Variants in OPHN1 observed in about 807,000 individuals in gnomAD.
OPHN1 encodes oligophrenin-1.
OPHN1 carries 11 observed loss-of-function variants against 60.7 expected under a neutral mutation model. That is an observed-to-expected ratio of 0.18 (90% CI 0.11 to 0.30). OPHN1 has a LOEUF of 0.30. Among genes scored for constraint, OPHN1 ranks in the 10% least tolerant of loss-of-function variants. The probability of loss-of-function intolerance (pLI) is 1.00; values close to 1 mark genes in which losing one functional copy is unlikely to be tolerated. For synonymous variants in OPHN1, 226 were observed against 222.6 expected, an observed-to-expected ratio of 1.02 and a Z score of -0.14; for missense variants, 449 against 611.0, an observed-to-expected ratio of 0.73 and a Z score of 2.80.
At chrX:68,114,135 A>G (rs1372928028) in intron 16 of OPHN1, among the ~76,000 whole-genome samples, 1 of 110,924 alleles carries the variant, frequency 9.0e-6, no homozygotes, top group Non-Finnish European at 1.9e-5. Context: ...GCAGTGGGAC[A>G]AGTACGATGA....
At position 68,112,061 on chromosome X, in the gene OPHN1, G is replaced by GCACACACA. The variant is rs56107322; in HGVS notation, c.1421-110_1421-103dup. On this transcript the variant is annotated intron_variant, in intron 17 of 24. Transcript: ENST00000355520. Reference sequence around the variant, plus strand: ...CACAAACACACACACATGCACACATGCACACACACACACACACACACACAC... The same window carrying GCACACACA: ...CACAAACACACACACATGCACACATGCACACACACACACACACACACACACACACACAC... 6.7e-3 allele frequency: 2,592 copies of GCACACACA among 389,261 alleles called. 79 individuals carry two copies. In the African/African-American group the frequency reaches 0.072, roughly 11 times the overall value. The allele number at this position is 389,261 out of a possible 1,213,427, so 32.1% of individuals were successfully genotyped here.
chrX:68,217,070 C>T (rs188885583), intron 6 of OPHN1, among the ~76,000 whole-genome samples: 1,792 of 111,275 alleles, frequency 0.016, 40 homozygotes, highest in African/African-American at 0.056. Context: ...AGTGGGTGCG[C>T]GCACCGTGCG....
chrX:68,203,523 C>G (rs2077544734), intron 10 of OPHN1, among the ~76,000 whole-genome samples: 1 of 110,957 alleles, frequency 9.0e-6, no homozygotes. Flanking sequence ...GCCTTCCTAC[C>G]CCTAAATGTG....
chrX:68,395,914 T>C (rs892018025), intron 2 of OPHN1, among the ~76,000 whole-genome samples: 1 of 111,411 alleles, frequency 9.0e-6, no homozygotes, highest in African/African-American at 3.3e-5. Flanking sequence ...CTCTTTTCTG[T>C]TCTTATTAAA....
intron 2 of OPHN1, among the ~76,000 whole-genome samples, chrX:68,301,975 G>A (rs750533080): frequency 5.3e-5 from 6 of 112,495 alleles, no homozygotes; most frequent in African/African-American, 1.9e-4. Flanking sequence ...CATGAAAATA[G>A]AATCATATAA....
At chrX:68,177,403 A>T (rs1163988026) in intron 15 of OPHN1, among the ~76,000 whole-genome samples, 2 of 111,712 alleles carry the variant, frequency 1.8e-5, no homozygotes, top group Non-Finnish European at 3.8e-5. Flanking sequence ...AGTAACAAAA[A>T]TACTCCCTAA....
At chrX:68,367,356 GA>G (rs61694272) in intron 2 of OPHN1, among the ~76,000 whole-genome samples, 138 of 74,974 alleles carry the variant, frequency 1.8e-3, no homozygotes, top group East Asian at 8.1e-3. Flanking sequence ...TCTGTCTCGG[GA>G]AAAAAAAAAA....
At chrX:68,066,700 A>G (rs773836157) in intron 20 of OPHN1, among the ~76,000 whole-genome samples, 1 of 111,935 alleles carries the variant, frequency 8.9e-6, no homozygotes, top group East Asian at 2.8e-4. Context: ...AAACAGCTCT[A>G]TAAAGTAGTA....
chrX:68,432,791 C>T (rs1187259808), intron 2 of OPHN1, 76 bp downstream of exon 2: 28 of 1,102,051 alleles, frequency 2.5e-5, no homozygotes, highest in Non-Finnish European at 3.2e-5. Flanking sequence ...AATCTCCCTT[C>T]CCCTGGTGGT....
chrX:68,217,420 G>A (rs1374423495), intron 6 of OPHN1, among the ~76,000 whole-genome samples: 4 of 112,107 alleles, frequency 3.6e-5, no homozygotes, highest in African/African-American at 1.3e-4. Context: ...ACTGGGTGGA[G>A]CCCACCACAG....
At chrX:68,303,090 C>T (rs1449181145) in intron 2 of OPHN1, among the ~76,000 whole-genome samples, 1 of 111,609 alleles carries the variant, frequency 9.0e-6, no homozygotes, top group Non-Finnish European at 1.9e-5. Context: ...AAGGAAAAGA[C>T]ATCCGATGTT....
chrX:68,358,895 G>A (rs757553398), intron 2 of OPHN1, among the ~76,000 whole-genome samples: 23 of 111,645 alleles, frequency 2.1e-4, no homozygotes, highest in Non-Finnish European at 3.9e-4. Context: ...TGGAAATGTG[G>A]TTCAAATCCA....
At chrX:68,399,384 C>T (rs2078701527) in intron 2 of OPHN1, among the ~76,000 whole-genome samples, 1 of 112,085 alleles carries the variant, frequency 8.9e-6, no homozygotes, top group South Asian at 3.7e-4. Context: ...TGGACAGTAG[C>T]TCATGCCTGT....
At chrX:68,301,999 G>C in intron 2 of OPHN1, among the ~76,000 whole-genome samples, 1 of 112,414 alleles carries the variant, frequency 8.9e-6, no homozygotes, top group Non-Finnish European at 1.9e-5. Context: ...AGACTCCTTT[G>C]TATCGGACTC....
At chrX:68,132,898 G>T (rs190051480) in intron 15 of OPHN1, 8,046 of 342,400 alleles carry the variant, frequency 0.023, 100 homozygotes, top group Middle Eastern at 0.032. Flanking sequence ...GCGGCCCATG[G>T]ACTTCGGTAC....
At chrX:68,313,297 G>A (rs1460845664) in intron 2 of OPHN1, among the ~76,000 whole-genome samples, 1 of 111,128 alleles carries the variant, frequency 9.0e-6, no homozygotes, top group Non-Finnish European at 1.9e-5. Flanking sequence ...GCTGCCGTAT[G>A]ATCCTGCAAT....
At position 68,044,529 on chromosome X, in the gene OPHN1, G is replaced by A. The variant is rs2076826284; in HGVS notation, c.*2643C>T. On this transcript the variant is annotated 3_prime_UTR_variant, in exon 25 of 25. Transcript: ENST00000355520. The stretch of plus-strand genomic sequence containing the variant: ...CAGATTCTCTAACTTGCTGGCCAAG[G>A]TATGTTGATAATTTCCTATAGCTGC... 1 of 112,255 alleles carries A rather than the reference G, an allele frequency of 8.9e-6. No homozygotes were observed. Among genetic ancestry groups the A allele is most frequent in the African/African-American group, 3.2e-5 (1 of 30,865 alleles). The allele number at this position is 112,255 out of a possible 1,213,427, so 9.3% of individuals were successfully genotyped here. A position where few individuals can be genotyped will look rare whatever the true frequency, so the allele number is the denominator to read the frequency against.
chrX:68,177,221 G>A lies in OPHN1; in HGVS notation c.1276+15698C>T, dbSNP rs778514066. 3.6e-5 allele frequency among the ~76,000 whole-genome samples: 4 copies of A among 110,433 alleles called. No homozygotes were observed. The South Asian group carries it at 1.2e-3, about 32-fold the overall frequency. ...TGGTTTCCAAGAACTAGGGAGAGAG[G>A]AGGATGGAAAGTTGTTAATGTTGTA... On this transcript the variant is annotated intron_variant, in intron 15 of 24. Transcript: ENST00000355520.
At chrX:68,361,412 A>G (rs756281094) in intron 2 of OPHN1, among the ~76,000 whole-genome samples, 1 of 108,623 alleles carries the variant, frequency 9.2e-6, no homozygotes, top group Admixed American at 1.0e-4. Flanking sequence ...CTTGGGAGGC[A>G]GAGGTTGCAG....
Sources: allele counts gnomAD v4.1 joint callset (sites outside exome capture counted in the v4.1 genomes callset), GRCh38; gene constraint gnomAD v4.1.1; transcripts MANE v1.5; gene names NCBI Gene and HGNC (gene_info 2026-07-23, HGNC 2026-07-21).